The following RAP1GDS1 variants were observed in gnomAD, a reference collection of about 807,000 sequenced individuals.
RAP1GDS1 encodes Rap1 GTPase-GDP dissociation stimulator 1, also known as RAP1, GTP-GDP dissociation stimulator 1.
A neutral mutation model predicts 71.1 loss-of-function variants in RAP1GDS1; 35 were observed. The observed-to-expected ratio is 0.49, with a 90% confidence interval of 0.38 to 0.65. RAP1GDS1 has a LOEUF of 0.65. RAP1GDS1 is among the 30% of genes least tolerant of loss of function. The pLI, the probability that RAP1GDS1 is intolerant of heterozygous loss-of-function variation, is 0.00. For synonymous variants in RAP1GDS1, 229 were observed against 243.1 expected (o/e 0.94, Z 0.54); for missense variants, 663 against 706.1 (o/e 0.94, Z 0.69).
rs570548296 is a variant in RAP1GDS1, at chr4:98,329,442, G to A, written c.113-13697G>A. 2.6e-5 allele frequency among the ~76,000 whole-genome samples: 4 copies of A among 151,602 alleles called. No individual in the cohort carries two copies. In the East Asian group the frequency reaches 7.7e-4, roughly 29 times the overall value. On this transcript the variant is annotated intron_variant, in intron 2 of 14. Transcript: ENST00000408927. ...AACCCATCAGTTTATTAGTGTTCTA[G>A]AAAAAAAAGATTTAGTCCATTAATC... is the stretch of plus-strand genomic sequence containing the variant.
At chr4:98,343,990 G>C (rs1176690127) in intron 3 of RAP1GDS1, among the ~76,000 whole-genome samples, 1 of 152,090 alleles carries the variant, frequency 6.6e-6, no homozygotes, top group Non-Finnish European at 1.5e-5. Flanking sequence ...GCCTTTTATT[G>C]TAGTATGTTT....
intron 1 of RAP1GDS1, among the ~76,000 whole-genome samples, chr4:98,270,893 G>T (rs769645090): frequency 1.3e-5 from 2 of 151,986 alleles, no homozygotes; most frequent in Admixed American, 6.6e-5. Flanking sequence ...CACTTCCCAT[G>T]TAATGAACAG....
intron 7 of RAP1GDS1, among the ~76,000 whole-genome samples, chr4:98,411,513 C>T (rs1180136098): frequency 3.9e-5 from 6 of 152,002 alleles, no homozygotes; most frequent in African/African-American, 1.4e-4. Flanking sequence ...TCTTAAATGT[C>T]TTAGGTCCTA....
chr4:98,372,607 T>C (rs1578631104), intron 4 of RAP1GDS1, among the ~76,000 whole-genome samples: 1 of 152,354 alleles, frequency 6.6e-6, no homozygotes, highest in South Asian at 2.1e-4. Context: ...ACAGTTCCAC[T>C]TCCTCCCTTA....
chr4:98,349,942 C>A (rs1736920162), intron 3 of RAP1GDS1, among the ~76,000 whole-genome samples: 1 of 151,978 alleles, frequency 6.6e-6, no homozygotes, highest in African/African-American at 2.4e-5. Context: ...AGCTGAAAAG[C>A]AAATGAGTTT....
At chr4:98,294,702 T>C (rs1022684419) in intron 2 of RAP1GDS1, among the ~76,000 whole-genome samples, 2 of 152,120 alleles carry the variant, frequency 1.3e-5, no homozygotes, top group African/African-American at 4.8e-5. Flanking sequence ...TCAGTAGTTA[T>C]ATTTGGCAGA....
chr4:98,379,019 G>A lies in RAP1GDS1; in HGVS notation c.364G>A (p.Glu122Lys). ...TAATTTAACTCTTTGTTTTACAGAT[G>A]AGGGCAGAAGTGCAGTTGACCAAGC... ...ALGNICYDSH[E>K]GRSAVDQAGG... Residue 122 changes from glutamate (E) to lysine (K), a missense_variant and splice_region_variant, in exon 5 of 15, where the codon GAG becomes AAG. Coordinates refer to ENST00000408927, the MANE Select transcript of RAP1GDS1 (RefSeq NM_001100427.2). 6.3e-7 allele frequency: 1 copy of A among 1,580,142 alleles called. No individual in the cohort carries two copies. Among genetic ancestry groups the A allele is most frequent in the Non-Finnish European group, 8.6e-7 (1 of 1,166,192 alleles).
chr4:98,282,538 TG>T (rs1725282433), intron 1 of RAP1GDS1, among the ~76,000 whole-genome samples: 1 of 152,050 alleles, frequency 6.6e-6, no homozygotes, highest in African/African-American at 2.4e-5. Context: ...CTATCAATTT[TG>T]TTGATCTTTT....
intron 1 of RAP1GDS1, among the ~76,000 whole-genome samples, chr4:98,292,789 T>C (rs1727164972): frequency 6.6e-6 from 1 of 152,184 alleles, no homozygotes; most frequent in South Asian, 2.1e-4. Flanking sequence ...TCAATAACTT[T>C]TAATAGTGTA....
intron 12 of RAP1GDS1, among the ~76,000 whole-genome samples, chr4:98,428,756 T>TGG (rs1347618696): frequency 6.6e-6 from 1 of 152,184 alleles, no homozygotes; most frequent in Non-Finnish European, 1.5e-5. Context: ...TGTAAACTAA[T>TGG]ACAACCACTA....
intron 2 of RAP1GDS1, among the ~76,000 whole-genome samples, chr4:98,322,888 A>G (rs1432399533): frequency 8.0e-6 from 1 of 124,528 alleles, no homozygotes; most frequent in Non-Finnish European, 1.5e-5. Flanking sequence ...AACACATTCA[A>G]AAGCTAGCAG....
At chr4:98,351,764 A>G (rs1327094523) in intron 3 of RAP1GDS1, among the ~76,000 whole-genome samples, 1 of 152,060 alleles carries the variant, frequency 6.6e-6, no homozygotes, top group African/African-American at 2.4e-5. Context: ...TAATACATAA[A>G]GAATGGCATA....
intron 2 of RAP1GDS1, among the ~76,000 whole-genome samples, chr4:98,318,989 G>A (rs563651525): frequency 2.9e-4 from 44 of 152,294 alleles, no homozygotes; most frequent in Admixed American, 7.8e-4. Context: ...AGTTCTCTGG[G>A]GGGGGAAATG....
At chr4:98,416,699 C>T (rs780798881) in intron 7 of RAP1GDS1, 46 bp from the exon 8 acceptor site, 1 of 1,525,524 alleles carries the variant, frequency 6.6e-7, no homozygotes, top group Admixed American at 1.8e-5. Context: ...ACCAGAGCTC[C>T]TATTTTATCT....
At chr4:98,296,864 AAAATT>A in intron 2 of RAP1GDS1, 1 of 368,066 alleles carries the variant, frequency 2.7e-6, no homozygotes, top group Non-Finnish European at 5.3e-6. Context: ...AAAGGCAAGA[AAAATT>A]AACATTCTAT....
chr4:98,372,856 T>C (rs1740597186), intron 4 of RAP1GDS1, among the ~76,000 whole-genome samples: 1 of 151,990 alleles, frequency 6.6e-6, no homozygotes, highest in East Asian at 2.0e-4. Flanking sequence ...GGCTAATTTC[T>C]TTTTTTCCTT....
At chr4:98,411,866 C>T (rs1253116977) in intron 7 of RAP1GDS1, among the ~76,000 whole-genome samples, 2 of 152,106 alleles carry the variant, frequency 1.3e-5, no homozygotes, top group African/African-American at 2.4e-5. Context: ...GCTTTTTCAT[C>T]ATAGTTTTTA....
intron 7 of RAP1GDS1, among the ~76,000 whole-genome samples, chr4:98,413,180 A>C (rs374200010): frequency 2.0e-5 from 3 of 149,476 alleles, no homozygotes; most frequent in Non-Finnish European, 4.4e-5. Context: ...CCATTTATAG[A>C]CCTCCCCCCA....
chr4:98,288,896 A>G (rs1042204307), intron 1 of RAP1GDS1, among the ~76,000 whole-genome samples: 1 of 152,208 alleles, frequency 6.6e-6, no homozygotes, highest in Admixed American at 6.5e-5. Flanking sequence ...AGTGAAGAGA[A>G]GCATGATTTT....
Sources: allele counts gnomAD v4.1 joint callset (sites outside exome capture counted in the v4.1 genomes callset), GRCh38; gene constraint gnomAD v4.1.1; transcripts MANE v1.5; gene names NCBI Gene and HGNC (gene_info 2026-07-23, HGNC 2026-07-21).